The following BCO1 variants were observed in gnomAD, a reference collection of about 807,000 sequenced individuals.
The protein encoded by BCO1 is beta-carotene oxygenase 1, also known as beta,beta-carotene 15,15'-dioxygenase.
A neutral mutation model predicts 56.3 loss-of-function variants in BCO1; 54 were observed. The ratio of observed to expected loss-of-function variants is 0.96; its 90% confidence interval spans 0.77 to 1.20. The LOEUF is 1.20. Ranked by LOEUF, BCO1 falls within the 50% of genes most tolerant of loss-of-function variation. BCO1 has a pLI of 0.00. For missense variants in BCO1, 801 were observed against 690.9 expected (o/e 1.16, Z -1.79); for synonymous variants, 318 against 266.1 (o/e 1.20, Z -1.90).
chr16:81,245,064 G>A (rs377179690), intron 1 of BCO1, among the ~76,000 whole-genome samples: 26 of 152,006 alleles, frequency 1.7e-4, no homozygotes, highest in East Asian at 1.2e-3. Context: ...CTAATGTTTT[G>A]TATTTTTAGT....
At chr16:81,245,411 C>T in intron 1 of BCO1, 64 bp from the exon 2 acceptor site, 1 of 1,612,942 alleles carries the variant, frequency 6.2e-7, no homozygotes, top group Non-Finnish European at 8.5e-7. Context: ...TTTCCATGAC[C>T]ATTTCTTCCA....
rs187258701 is a variant in BCO1 at position 81,263,311 on chromosome 16, C to G, written c.471+1028C>G. The G allele has an allele frequency of 6.6e-5, 10 of 152,150 alleles. No homozygotes were observed. The East Asian group carries it at 1.9e-3, about 29-fold the overall frequency. The allele number at this position is 152,150 out of a possible 1,614,324, so 9.4% of individuals were successfully genotyped here. On this transcript the variant is annotated intron_variant, in intron 4 of 10. Transcript: ENST00000258168. ...ATTTTTGGTACAGATGGGGTTTCACCGTGTTAGCCAGGCTGGTCTTGATCT... is the reference window on the plus strand; with the variant it reads ...ATTTTTGGTACAGATGGGGTTTCACGGTGTTAGCCAGGCTGGTCTTGATCT...
chr16:81,264,811 T>A, intron 5 of BCO1, 24 bp downstream of exon 5: 1 of 1,613,746 alleles, frequency 6.2e-7, no homozygotes, highest in South Asian at 1.1e-5. Flanking sequence ...GGGAATTGAA[T>A]AAAACACAAA....
intron 8 of BCO1, among the ~76,000 whole-genome samples, chr16:81,283,624 C>T (rs1908004211): frequency 6.6e-6 from 1 of 152,016 alleles, no homozygotes; most frequent in Non-Finnish European, 1.5e-5. Flanking sequence ...GCCTCACCTT[C>T]ATCTGGGCCT....
chr16:81,270,461 G>C, intron 7 of BCO1, 45 bp downstream of exon 7: 5 of 1,611,392 alleles, frequency 3.1e-6, no homozygotes, highest in Non-Finnish European at 3.4e-6. Flanking sequence ...GAGAGATATC[G>C]GCCCAGGTGG....
chr16:81,239,269 G>A (rs564156048), intron 1 of BCO1, among the ~76,000 whole-genome samples: 2 of 152,090 alleles, frequency 1.3e-5, no homozygotes, highest in East Asian at 1.9e-4. Flanking sequence ...CACCCACCTC[G>A]GCCTCCGAAA....
chr16:81,239,079 T>A (rs1904997832), intron 1 of BCO1, 107 bp downstream of exon 1: 1 of 972,948 alleles, frequency 1.0e-6, no homozygotes, highest in Non-Finnish European at 1.5e-6. Context: ...TCCAGTGGCT[T>A]GATCTCGGCC....
intron 3 of BCO1, among the ~76,000 whole-genome samples, chr16:81,261,626 C>T (rs1906484716): frequency 2.0e-5 from 3 of 152,098 alleles, no homozygotes; most frequent in South Asian, 4.1e-4. Flanking sequence ...GCATTCCGGC[C>T]GACTCATTTC....
intron 1 of BCO1, among the ~76,000 whole-genome samples, chr16:81,241,497 G>A (rs771154237): frequency 7.2e-5 from 11 of 152,174 alleles, no homozygotes; most frequent in African/African-American, 1.2e-4. Context: ...GGGTGGCCCC[G>A]GACCTGCAGC....
At chr16:81,252,196 TA>T (rs1444742470) in intron 2 of BCO1, among the ~76,000 whole-genome samples, 2 of 152,008 alleles carry the variant, frequency 1.3e-5, no homozygotes, top group African/African-American at 2.4e-5. Context: ...CCTGGGTGTT[TA>T]TATTTCTTTC....
chr16:81,259,552 A>G (rs1350436649), intron 2 of BCO1, 124 bp from the exon 3 acceptor site: 2 of 1,074,352 alleles, frequency 1.9e-6, no homozygotes, highest in Non-Finnish European at 2.8e-6. Context: ...CCTGTGTACT[A>G]AAGGAGCTTG....
In BCO1 at chr16:81,262,250, A is replaced by T. The variant is rs1386145787; in HGVS notation, c.438A>T (p.Lys146Asn). 3.2e-5 allele frequency: 52 copies of T among 1,613,644 alleles called. No homozygotes were observed. Among genetic ancestry groups the T allele is most frequent in the Non-Finnish European group, 4.2e-5 (50 of 1,179,754 alleles). The change falls in exon 4 of 11, where the codon AAA becomes AAT. Residue 146 changes from lysine (K) to asparagine (N), a missense_variant. Coordinates refer to ENST00000258168, the MANE Select transcript of BCO1 (RefSeq NM_017429.3). ...CCTCAGAGACCAATTACATCAGGAA[A>T]ATCAACCCACAGACTCTGGAAACCC... ...YATSETNYIR[K>N]INPQTLETLE... is the part of the protein sequence containing the mutation.
intron 8 of BCO1, among the ~76,000 whole-genome samples, chr16:81,283,321 T>G (rs1196844667): frequency 6.6e-6 from 1 of 151,814 alleles, no homozygotes; most frequent in Admixed American, 6.6e-5. Context: ...TTACAGGCAT[T>G]ACTCATGCCT....
intron 1 of BCO1, among the ~76,000 whole-genome samples, chr16:81,240,454 C>T (rs1000128435): frequency 3.3e-5 from 5 of 152,044 alleles, no homozygotes; most frequent in African/African-American, 1.2e-4. Flanking sequence ...GCCTGTGGTC[C>T]CAGCACTTTC....
At chr16:81,259,547 G>A in intron 2 of BCO1, 129 bp from the exon 3 acceptor site, 1 of 969,134 alleles carries the variant, frequency 1.0e-6, no homozygotes. Context: ...TCGGCCCTGT[G>A]TACTAAAGGA....
At chr16:81,243,507 C>T (rs1165635311) in intron 1 of BCO1, among the ~76,000 whole-genome samples, 1 of 151,816 alleles carries the variant, frequency 6.6e-6, no homozygotes, top group Non-Finnish European at 1.5e-5. Flanking sequence ...CTTGCTCTGT[C>T]ACCCAGGCTG....
At chr16:81,255,707 G>T (rs978996954) in intron 2 of BCO1, among the ~76,000 whole-genome samples, 1 of 151,828 alleles carries the variant, frequency 6.6e-6, no homozygotes, top group African/African-American at 2.4e-5. Flanking sequence ...GGGTTTCACC[G>T]TATAGGCCAG....
intron 1 of BCO1, among the ~76,000 whole-genome samples, chr16:81,243,778 G>C (rs918828899): frequency 2.0e-5 from 3 of 152,150 alleles, no homozygotes; most frequent in East Asian, 3.9e-4. Context: ...CCTGGTTTTG[G>C]TCTTCTTGTT....
At chr16:81,277,819 T>C (rs1316494502) in intron 7 of BCO1, among the ~76,000 whole-genome samples, 8 of 152,026 alleles carry the variant, frequency 5.3e-5, no homozygotes, top group Non-Finnish European at 1.2e-4. Context: ...CCAAGTCATG[T>C]TTGTTATTGC....
Sources: allele counts gnomAD v4.1 joint callset (sites outside exome capture counted in the v4.1 genomes callset), GRCh38; gene constraint gnomAD v4.1.1; transcripts MANE v1.5; gene names NCBI Gene and HGNC (gene_info 2026-07-23, HGNC 2026-07-21).